ANKMY1: variants seen among roughly 807,000 people sequenced by gnomAD.
ANKMY1 encodes ankyrin repeat and MYND domain-containing protein 1.
A neutral mutation model predicts 102.0 loss-of-function variants in ANKMY1; 98 were observed. The observed-to-expected ratio is 0.96, with a 90% CI of 0.82 to 1.14. ANKMY1 has a LOEUF of 1.14. Among genes scored for constraint, ANKMY1 ranks in the 50% most tolerant of loss-of-function variants. The probability of loss-of-function intolerance (pLI) is 0.00; values close to 1 mark genes in which losing one functional copy is unlikely to be tolerated. For missense variants in ANKMY1, 1,330 were observed against 1,347.6 expected (o/e 0.99, Z 0.20); for synonymous variants, 582 against 559.9 (o/e 1.04, Z -0.56).
At chr2:240,532,927 T>TGAACCCCTGGCCTC (rs2152453847) in intron 4 of ANKMY1, among the ~76,000 whole-genome samples, 1 of 152,332 alleles carries the variant, frequency 6.6e-6, no homozygotes, top group South Asian at 2.1e-4. Flanking sequence ...AGGCTGGTCT[T>TGAACCCCTGGCCTC]GAACCCCTGG....
rs777630723 is a variant in ANKMY1, at chr2:240,557,267, C to A, written c.69G>T (p.Pro23=). The change falls in exon 2 of 18, where the codon CCG becomes CCT. Residue 23 remains proline, a synonymous_variant. Transcript: ENST00000401804. ...EVSGAGSRQR[P]LEGKGGETPA... Reference sequence around the variant, plus strand: ...GGGTCTCGCCGCCCTTCCCCTCTAGCGGGCGTTGGCGGCTGCCAGCCCCAG... The same window carrying A: ...GGGTCTCGCCGCCCTTCCCCTCTAGAGGGCGTTGGCGGCTGCCAGCCCCAG... 1 of 1,594,276 alleles carries A rather than the reference C, an allele frequency of 6.3e-7. No homozygotes were observed. Among genetic ancestry groups the A allele is most frequent in the Admixed American group, 1.7e-5 (1 of 57,914 alleles).
chr2:240,542,777 T>C (rs903807827), intron 4 of ANKMY1, among the ~76,000 whole-genome samples: 1 of 149,522 alleles, frequency 6.7e-6, no homozygotes, highest in Non-Finnish European at 1.5e-5. Flanking sequence ...GTCTACCAAG[T>C]TGGTTTATAA....
At chr2:240,507,841 A>T in intron 12 of ANKMY1, 150 bp from the exon 13 acceptor site, 1 of 904,862 alleles carries the variant, frequency 1.1e-6, no homozygotes, top group Non-Finnish European at 1.6e-6. Context: ...GATCCTACCC[A>T]CAGTGGGTCC....
chr2:240,517,872 T>C (rs1381357187), intron 9 of ANKMY1, among the ~76,000 whole-genome samples: 1 of 152,168 alleles, frequency 6.6e-6, no homozygotes, highest in Non-Finnish European at 1.5e-5. Flanking sequence ...TGAAGCTTAT[T>C]TTGCAGGTAG....
chr2:240,548,804 C>T (rs1466015447), intron 4 of ANKMY1, among the ~76,000 whole-genome samples: 1 of 148,926 alleles, frequency 6.7e-6, no homozygotes, highest in African/African-American at 2.5e-5. Context: ...ATCCAACTTA[C>T]AAGGGATGTG....
intron 9 of ANKMY1, among the ~76,000 whole-genome samples, chr2:240,518,793 A>C (rs569871951): frequency 3.3e-5 from 5 of 152,350 alleles, no homozygotes; most frequent in African/African-American, 1.2e-4. Context: ...TCCAATCAGT[A>C]AACCTAAAAA....
At chr2:240,474,256 T>G in the ANKMY1 span, among the ~76,000 whole-genome samples, 6 of 137,186 alleles carry the variant, frequency 4.4e-5, no homozygotes, top group Admixed American at 2.3e-4. Context: ...CCACCATGCC[T>G]GGCTAATTTT....
chr2:240,511,146 C>T lies in ANKMY1; in HGVS notation c.2286+715G>A, dbSNP rs147489856. 4.6e-3 allele frequency among the ~76,000 whole-genome samples: 697 copies of T among 152,296 alleles called. 6 individuals carry two copies. Among genetic ancestry groups the T allele is most frequent in the African/African-American group, 0.016 (667 of 41,552 alleles). On this transcript the variant is annotated intron_variant, in intron 11 of 17. Coordinates refer to ENST00000401804, the MANE Select transcript of ANKMY1 (RefSeq NM_001282771.3). ...CCTCCCCACCTCCCTGTCTGCCCATCCCCATCCCAGTGTCACCCGCATGCC... is the reference window on the plus strand; with the variant it reads ...CCTCCCCACCTCCCTGTCTGCCCATTCCCATCCCAGTGTCACCCGCATGCC...
intron 7 of ANKMY1, among the ~76,000 whole-genome samples, chr2:240,524,680 T>C (rs2083001781): frequency 1.3e-5 from 2 of 152,118 alleles, no homozygotes; most frequent in East Asian, 1.9e-4. Flanking sequence ...GAAGGAGAGG[T>C]TGGAAAACGA....
At chr2:240,560,356 C>A (rs2092852946), upstream of ANKMY1, 2 of 227,772 alleles carry the variant, frequency 8.8e-6, no homozygotes, top group Non-Finnish European at 1.7e-5. Context: ...GCCCAAGAGC[C>A]ACAGACGCAA....
At chr2:240,470,782 CT>C in the ANKMY1 span, among the ~76,000 whole-genome samples, 1 of 152,206 alleles carries the variant, frequency 6.6e-6, no homozygotes, top group African/African-American at 2.4e-5. Flanking sequence ...AAATAACCCC[CT>C]CTCCTCACAG....
intron 16 of ANKMY1, among the ~76,000 whole-genome samples, chr2:240,481,708 G>C (rs900303831): frequency 5.9e-5 from 9 of 152,200 alleles, no homozygotes; most frequent in African/African-American, 2.2e-4. Context: ...TGGAACAGCA[G>C]AGTGAGTGCA....
At chr2:240,544,292 G>C (rs982386468) in intron 4 of ANKMY1, among the ~76,000 whole-genome samples, 3 of 152,216 alleles carry the variant, frequency 2.0e-5, no homozygotes, top group African/African-American at 2.4e-5. Context: ...GGACAAATCA[G>C]AAAGTCCAAG....
chr2:240,541,199 T>C (rs1411736938), intron 4 of ANKMY1, among the ~76,000 whole-genome samples: 1 of 152,168 alleles, frequency 6.6e-6, no homozygotes, highest in Non-Finnish European at 1.5e-5. Flanking sequence ...TGCCAGACAG[T>C]AGGATCGGCT....
At chr2:240,519,102 C>T (rs2081675647) in intron 9 of ANKMY1, among the ~76,000 whole-genome samples, 1 of 152,214 alleles carries the variant, frequency 6.6e-6, no homozygotes. Context: ...AATTTCACAG[C>T]CAAGTGGACA....
At chr2:240,476,729 A>G, downstream of ANKMY1, among the ~76,000 whole-genome samples, 1 of 152,228 alleles carries the variant, frequency 6.6e-6, no homozygotes, top group East Asian at 1.9e-4. Context: ...ACCTTACACA[A>G]AAATTAATGC....
chr2:240,559,616 C>G (rs2092768739), upstream of ANKMY1, among the ~76,000 whole-genome samples: 1 of 152,334 alleles, frequency 6.6e-6, no homozygotes, highest in Middle Eastern at 3.4e-3. Context: ...AATTCCACTC[C>G]TCCATCCTAG....
In ANKMY1 at chr2:240,524,238, G is replaced by A. The variant is rs145705338; in HGVS notation, c.1479C>T (p.Arg493=). 3,404 of 1,613,840 alleles carry A rather than the reference G, an allele frequency of 2.1e-3. 31 individuals are homozygous for A. In the African/African-American group the frequency reaches 0.034, roughly 16 times the overall value. The change falls in exon 8 of 18, where the codon CGC becomes CGT. Residue 493 remains arginine (R), a synonymous_variant. Coordinates refer to ENST00000401804, the MANE Select transcript of ANKMY1 (RefSeq NM_001282771.3). ...RPPPAPLLLP[R]VSGSHEGGHF... Reference sequence around the variant, plus strand: ...GGCCGCCCTCGTGGCTGCCTGAGACGCGTGGCAGGAGCAGTGGTGCTGGCG... The same window carrying A: ...GGCCGCCCTCGTGGCTGCCTGAGACACGTGGCAGGAGCAGTGGTGCTGGCG...
rs201146032 is a variant in ANKMY1 at position 240,555,008 on chromosome 2, G to A, written c.194C>T (p.Pro65Leu). ...PEKEEEEAEG[P>L]LRAQDLRESY... ...CTCCCTCAGGTCCTGCGCCCTCAGC[G>A]GGCCCTCAGCTTCCTCCTCTTCCTT... The change falls in exon 3 of 18, where the codon CCG (proline) becomes CTG (leucine). Residue 65 changes from proline (P) to leucine (L), a missense_variant. Coordinates refer to ENST00000401804, the MANE Select transcript of ANKMY1 (RefSeq NM_001282771.3). The A allele has an allele frequency of 2.5e-5, 41 of 1,614,014 alleles. No homozygotes were observed. The highest frequency in any genetic ancestry group is 5.3e-5 in the African/African-American group (4 of 74,940).
Sources: allele counts gnomAD v4.1 joint callset (sites outside exome capture counted in the v4.1 genomes callset), GRCh38; gene constraint gnomAD v4.1.1; transcripts MANE v1.5; gene names NCBI Gene and HGNC (gene_info 2026-07-23, HGNC 2026-07-21).